Variants in CDK5RAP1 observed in about 807,000 individuals in gnomAD.
CDK5RAP1 encodes mitochondrial tRNA methylthiotransferase CDK5RAP1.
CDK5RAP1 carries 62 observed loss-of-function variants against 64.5 expected under a neutral mutation model. The observed-to-expected ratio is 0.96, with a 90% CI of 0.78 to 1.19. CDK5RAP1 has a LOEUF of 1.19. Ranked by LOEUF, CDK5RAP1 falls within the 50% of genes most tolerant of loss-of-function variation. The pLI is 0.00. For missense variants in CDK5RAP1, 657 were observed against 735.0 expected (o/e 0.89, Z 1.23); for synonymous variants, 250 against 261.9 (o/e 0.95, Z 0.44).
chr20:33,375,874 T>A (rs1364358750), intron 8 of CDK5RAP1, among the ~76,000 whole-genome samples: 1 of 152,156 alleles, frequency 6.6e-6, no homozygotes, highest in Non-Finnish European at 1.5e-5. Flanking sequence ...ATTTTTTAAA[T>A]ATATCGAGAT....
chr20:33,382,575 G>A (rs145030833), intron 7 of CDK5RAP1, among the ~76,000 whole-genome samples: 5 of 152,306 alleles, frequency 3.3e-5, no homozygotes, highest in Non-Finnish European at 7.4e-5. Context: ...CATTTACTCA[G>A]GAGGCTGAAG....
chr20:33,392,235 C>G lies in CDK5RAP1; in HGVS notation c.451G>C (p.Ala151Pro), dbSNP rs766574539. The change falls in exon 5 of 14, where the codon GCT (alanine) becomes CCT (proline). Residue 151 changes from alanine (A) to proline (P), a missense_variant. By Grantham distance (27) the Ala-to-Pro change is conservative (BLOSUM62 -1). Transcript: ENST00000346416. ...LLVTCSIREK[A>P]EQTIWNRLHQ... ...AAACGGTTCCAGATGGTCTGCTCAGCCTTCTCCCTAGAGAGATCAAAGGAG... is the reference window on the plus strand; with the variant it reads ...AAACGGTTCCAGATGGTCTGCTCAGGCTTCTCCCTAGAGAGATCAAAGGAG... The G allele has an allele frequency of 6.8e-6, 11 of 1,611,800 alleles. No individual in the cohort carries two copies. The highest frequency in any genetic ancestry group is 4.0e-5 in the African/African-American group (3 of 74,978).
intron 11 of CDK5RAP1, 50 bp downstream of exon 11, chr20:33,370,449 C>T: frequency 1.2e-6 from 2 of 1,606,506 alleles, no homozygotes; most frequent in Non-Finnish European, 1.7e-6. Context: ...CAGTCACCAC[C>T]CCCAAACTGG....
At chr20:33,387,569 A>T in intron 5 of CDK5RAP1, 36 bp from the exon 6 acceptor site, 1 of 1,542,460 alleles carries the variant, frequency 6.5e-7, no homozygotes, top group South Asian at 1.1e-5. Context: ...CTTTCCCCAA[A>T]TCCACCTGGT....
intron 8 of CDK5RAP1, 39 bp downstream of exon 8, chr20:33,379,422 A>G (rs745684986): frequency 6.9e-7 from 1 of 1,450,892 alleles, no homozygotes; most frequent in South Asian, 1.1e-5. Flanking sequence ...ATGCTCAAGA[A>G]TACTAATATC....
intron 5 of CDK5RAP1, among the ~76,000 whole-genome samples, chr20:33,389,041 G>A (rs1348672451): frequency 3.9e-5 from 6 of 152,122 alleles, no homozygotes; most frequent in South Asian, 4.2e-4. Flanking sequence ...CTGCCCGGCC[G>A]CCACCCCGTC....
intron 13 of CDK5RAP1, chr20:33,359,591 T>C (rs1048542380): frequency 6.2e-6 from 1 of 160,862 alleles, no homozygotes; most frequent in Non-Finnish European, 1.4e-5. Flanking sequence ...AGTCCATTAG[T>C]AAATCCTTAC....
At chr20:33,383,167 G>A (rs891012173) in intron 7 of CDK5RAP1, among the ~76,000 whole-genome samples, 1 of 151,912 alleles carries the variant, frequency 6.6e-6, no homozygotes, top group African/African-American at 2.4e-5. Flanking sequence ...GGCAAAAAGA[G>A]CGAAACTCCA....
chr20:33,388,549 CCT>C (rs1205870260), intron 5 of CDK5RAP1, among the ~76,000 whole-genome samples: 3 of 89,980 alleles, frequency 3.3e-5, no homozygotes, highest in African/African-American at 9.8e-5. Context: ...TCCCTCTCCC[CCT>C]CTCCCTCTCC....
intron 12 of CDK5RAP1, 64 bp from the exon 13 acceptor site, chr20:33,360,555 A>G: frequency 6.8e-7 from 1 of 1,460,142 alleles, no homozygotes; most frequent in Non-Finnish European, 9.3e-7. Context: ...GAGGGTAGAA[A>G]CTGTGCCTTC....
At position 33,392,779 on chromosome 20, in the gene CDK5RAP1, A is replaced by G. The variant is rs192875825; in HGVS notation, c.444-537T>C. Among the ~76,000 whole-genome samples the G allele has an allele frequency of 3.3e-5, 5 of 152,000 alleles. No homozygotes were observed. The East Asian group carries it at 9.7e-4, about 29-fold the overall frequency. On this transcript the variant is annotated intron_variant, in intron 4 of 13. Transcript: ENST00000346416. ...AGGCCTTCCAGTTCTCCTCTGTTGG[A>G]CAGTTTGTCCTCCCTTTAACTGCCC... is the stretch of plus-strand genomic sequence containing the variant.
At chr20:33,393,930 G>T in intron 4 of CDK5RAP1, 102 bp downstream of exon 4, 1 of 827,662 alleles carries the variant, frequency 1.2e-6, no homozygotes, top group Non-Finnish European at 2.1e-6. Context: ...CTACTGCCAT[G>T]GGGCCACTGG....
chr20:33,366,023 A>T (rs1027557725), intron 12 of CDK5RAP1, among the ~76,000 whole-genome samples: 15 of 152,226 alleles, frequency 9.9e-5, no homozygotes, highest in African/African-American at 3.6e-4. Flanking sequence ...TGGATGAATA[A>T]GAAAGAGCTT....
At chr20:33,398,902 G>C (rs1989145847) in intron 1 of CDK5RAP1, among the ~76,000 whole-genome samples, 1 of 151,984 alleles carries the variant, frequency 6.6e-6, no homozygotes, top group African/African-American at 2.4e-5. Flanking sequence ...CTCCAGCCTG[G>C]GTGACAGAGT....
Position 33,387,401 on chromosome 20 carries a change from T to C in CDK5RAP1, c.677A>G (p.Asn226Ser). Residue 226 changes from asparagine to serine, a missense_variant, in exon 6 of 14, where the codon AAC (asparagine) becomes AGC (serine). Physicochemically the swap from Asn to Ser is conservative, Grantham distance 46. Coordinates refer to ENST00000346416, the MANE Select transcript of CDK5RAP1 (RefSeq NM_016408.4). ...AVAESGQQAA[N>S]VLLSLDETYA... is the part of the protein sequence containing the mutation. ...GGTCTCGTCCAGAGAGAGCAGCACG[T>C]TGGCAGCTTGCTGGCCCGACTCAGC... The C allele has an allele frequency of 6.2e-7, 1 of 1,614,186 alleles. No homozygotes were observed. Among genetic ancestry groups the C allele is most frequent in the Non-Finnish European group, 8.5e-7 (1 of 1,180,034 alleles).
chr20:33,360,523 T>G (rs768397667), intron 12 of CDK5RAP1, 32 bp from the exon 13 acceptor site: 1 of 1,588,584 alleles, frequency 6.3e-7, no homozygotes, highest in Non-Finnish European at 8.6e-7. Flanking sequence ...GTTCGTGGAT[T>G]TGTCACAGTT....
At chr20:33,384,056 C>T (rs905256875) in intron 7 of CDK5RAP1, among the ~76,000 whole-genome samples, 5 of 151,884 alleles carry the variant, frequency 3.3e-5, no homozygotes, top group African/African-American at 1.2e-4. Flanking sequence ...ATAAAAGTTG[C>T]TTATTTAGAA....
At chr20:33,365,758 A>G (rs1457196011) in intron 12 of CDK5RAP1, among the ~76,000 whole-genome samples, 1 of 152,176 alleles carries the variant, frequency 6.6e-6, no homozygotes, top group African/African-American at 2.4e-5. Context: ...GGGAGCTAGT[A>G]ACAGCACCTT....
Position 33,396,883 on chromosome 20 carries a change from G to A in CDK5RAP1, c.182C>T (p.Ala61Val). The A allele has an allele frequency of 6.2e-7, 1 of 1,614,202 alleles. No homozygotes were observed. The highest frequency in any genetic ancestry group is 1.7e-5 in the Admixed American group (1 of 60,022). ...ARKDFSSRLAAGPTFQHFLKS... is the reference protein window; with the variant it reads ...ARKDFSSRLAVGPTFQHFLKS... Reference sequence around the variant, plus strand: ...TAAAAAATGTTGAAAAGTCGGTCCAGCAGCCAGCCTGGAGCTGAAATCCTT... The same window carrying A: ...TAAAAAATGTTGAAAAGTCGGTCCAACAGCCAGCCTGGAGCTGAAATCCTT... Residue 61 changes from alanine to valine, a missense_variant, in exon 2 of 14, where the codon GCT becomes GTT. Physicochemically the swap from Ala to Val is moderately conservative, Grantham distance 64. Coordinates refer to ENST00000346416, the MANE Select transcript of CDK5RAP1 (RefSeq NM_016408.4).
Sources: allele counts gnomAD v4.1 joint callset (sites outside exome capture counted in the v4.1 genomes callset), GRCh38; gene constraint gnomAD v4.1.1; transcripts MANE v1.5; gene names NCBI Gene and HGNC (gene_info 2026-07-23, HGNC 2026-07-21).